The following SPHKAP variants were observed in gnomAD, a reference collection of about 807,000 sequenced individuals.
SPHKAP encodes the protein SPHK1 interactor, AKAP domain containing, also known as A-kinase anchor protein SPHKAP.
SPHKAP carries 67 observed loss-of-function variants against 137.5 expected under a neutral mutation model. The ratio of observed to expected loss-of-function variants is 0.49; its 90% CI spans 0.40 to 0.60. SPHKAP has a LOEUF of 0.60. Among genes scored for constraint, SPHKAP ranks in the 20% least tolerant of loss-of-function variants. The probability of loss-of-function intolerance (pLI) is 0.00; values close to 1 mark genes in which losing one functional copy is unlikely to be tolerated. For synonymous variants in SPHKAP, 813 were observed against 785.3 expected (o/e 1.04, Z -0.59); for missense variants, 2,097 against 2,069.3 (o/e 1.01, Z -0.26).
intron 3 of SPHKAP, among the ~76,000 whole-genome samples, chr2:228,034,367 C>T (rs1389509984): frequency 1.3e-5 from 2 of 152,288 alleles, no homozygotes; most frequent in East Asian, 3.9e-4. Context: ...ATAACAGGCT[C>T]TGAAATTGTG....
At chr2:228,009,922 T>G (rs1694302183) in intron 7 of SPHKAP, among the ~76,000 whole-genome samples, 1 of 152,186 alleles carries the variant, frequency 6.6e-6, no homozygotes, top group African/African-American at 2.4e-5. Flanking sequence ...ATTGTCCAGC[T>G]TACAATTCTC....
At chr2:228,132,254 T>C (rs1266829500) in intron 1 of SPHKAP, among the ~76,000 whole-genome samples, 169 bp from the exon 2 acceptor site, 1 of 152,230 alleles carries the variant, frequency 6.6e-6, no homozygotes, top group East Asian at 1.9e-4. Flanking sequence ...GCATACACTT[T>C]TGTAATTGGC....
intron 3 of SPHKAP, among the ~76,000 whole-genome samples, chr2:228,101,538 T>G (rs1698181862): frequency 6.6e-6 from 1 of 152,248 alleles, no homozygotes. Context: ...TTAAGTATAT[T>G]GAATACTTAT....
intron 1 of SPHKAP, among the ~76,000 whole-genome samples, chr2:228,172,185 T>C (rs1039155107): frequency 1.3e-5 from 2 of 152,184 alleles, no homozygotes; most frequent in African/African-American, 4.8e-5. Flanking sequence ...AATGATAATG[T>C]AGCACCGTAT....
intron 2 of SPHKAP, among the ~76,000 whole-genome samples, chr2:228,119,978 C>T (rs531324248): frequency 2.6e-5 from 4 of 152,196 alleles, no homozygotes; most frequent in African/African-American, 4.8e-5. Flanking sequence ...ATACCATTGA[C>T]ACCTAAGAAA....
Position 228,019,157 on chromosome 2 carries a change from C to T in SPHKAP, c.1697G>A (p.Ser566Asn). ...ACCCAGACCACAGACAGCCACGGCACTGGCCACCTGAGTCATGCCACACAA... is the reference window on the plus strand; with the variant it reads ...ACCCAGACCACAGACAGCCACGGCATTGGCCACCTGAGTCATGCCACACAA... ...SALCGMTQVA[S>N]AVAVCGLGER... Residue 566 changes from serine (S) to asparagine (N), a missense_variant, in exon 7 of 12, where the codon AGT (serine) becomes AAT (asparagine). Physicochemically the swap from Ser to Asn is conservative, Grantham distance 46. Transcript: ENST00000392056. The T allele has an allele frequency of 1.2e-6, 2 of 1,613,854 alleles. No homozygotes were observed. Among genetic ancestry groups the T allele is most frequent in the Non-Finnish European group, 1.7e-6 (2 of 1,180,040 alleles).
At chr2:228,048,847 GT>G (rs942702716) in intron 3 of SPHKAP, among the ~76,000 whole-genome samples, 27 of 152,254 alleles carry the variant, frequency 1.8e-4, no homozygotes, top group African/African-American at 6.5e-4. Flanking sequence ...TATTGGGGTT[GT>G]TTTTTCTTGT....
chr2:228,043,835 C>T (rs1037690593), intron 3 of SPHKAP, among the ~76,000 whole-genome samples: 2 of 152,002 alleles, frequency 1.3e-5, no homozygotes, highest in African/African-American at 2.4e-5. Flanking sequence ...ACTTTTTTCA[C>T]CTTTAAAGTA....
At chr2:227,994,469 T>G (rs1355738431) in intron 8 of SPHKAP, among the ~76,000 whole-genome samples, 1 of 152,200 alleles carries the variant, frequency 6.6e-6, no homozygotes, top group Non-Finnish European at 1.5e-5. Context: ...GATGTCTCTT[T>G]CAAGCAAGTC....
intron 11 of SPHKAP, among the ~76,000 whole-genome samples, chr2:227,984,613 G>A (rs931856931): frequency 8.5e-5 from 13 of 152,118 alleles, no homozygotes; most frequent in Admixed American, 1.3e-4. Context: ...ATGCGGCTTC[G>A]GAATAGCGGT....
chr2:228,031,575 C>A lies in SPHKAP; in HGVS notation c.247-4032G>T, dbSNP rs139120082. Reference sequence around the variant, plus strand: ...AGAATGGGCAGACTGCCTCCTTAAGCGGGTCCTTGACCCCCGAGCAGCCTA... The same window carrying A: ...AGAATGGGCAGACTGCCTCCTTAAGAGGGTCCTTGACCCCCGAGCAGCCTA... On this transcript the variant is annotated intron_variant, in intron 3 of 11. Transcript: ENST00000392056. Among the ~76,000 whole-genome samples the A allele has an allele frequency of 7.6e-3, 1,163 of 152,316 alleles. 9 individuals carry two copies. The highest frequency in any genetic ancestry group is 0.023 in the South Asian group (109 of 4,828).
chr2:228,132,490 G>A, intron 1 of SPHKAP: 1 of 756,204 alleles, frequency 1.3e-6, no homozygotes, highest in South Asian at 6.1e-5. Flanking sequence ...TAAAATGGAG[G>A]TAAAATATAA....
At chr2:228,097,958 CTTT>C (rs1698046884) in intron 3 of SPHKAP, among the ~76,000 whole-genome samples, 1 of 152,110 alleles carries the variant, frequency 6.6e-6, no homozygotes, top group African/African-American at 2.4e-5. Context: ...GTACATGTGT[CTTT>C]TTGATAGAAC....
intron 6 of SPHKAP, 73 bp from the exon 7 acceptor site, chr2:228,020,229 C>T: frequency 1.3e-6 from 2 of 1,507,102 alleles, no homozygotes; most frequent in Non-Finnish European, 1.8e-6. Context: ...GTAATAATTA[C>T]TTTCTAAAAA....
At chr2:228,027,970 A>AG (rs1002345002) in intron 3 of SPHKAP, 75 of 973,304 alleles carry the variant, frequency 7.7e-5, no homozygotes, top group African/African-American at 5.3e-5. Flanking sequence ...GAAAAAAAAA[A>AG]AAAAAAGAAA....
chr2:228,154,275 GA>G (rs1330427156), intron 1 of SPHKAP, among the ~76,000 whole-genome samples: 13 of 150,484 alleles, frequency 8.6e-5, no homozygotes, highest in South Asian at 4.2e-4. Flanking sequence ...TCCATTTCAT[GA>G]AAAAAAAGTA....
intron 1 of SPHKAP, among the ~76,000 whole-genome samples, chr2:228,180,479 A>C (rs1700873633): frequency 6.6e-6 from 1 of 152,064 alleles, no homozygotes; most frequent in Non-Finnish European, 1.5e-5. Flanking sequence ...GCTCTCCAAG[A>C]ATCCGAACTT....
At chr2:227,982,198 T>C (rs1693026467) in intron 11 of SPHKAP, 19 of 985,248 alleles carry the variant, frequency 1.9e-5, no homozygotes, top group South Asian at 4.7e-5. Flanking sequence ...TTAGACTTTC[T>C]GTAATAGGAT....
Position 228,144,879 on chromosome 2 carries a change from A to G in SPHKAP, c.33-12794T>C, listed in dbSNP as rs74549503. 3.2e-3 allele frequency among the ~76,000 whole-genome samples: 488 copies of G among 152,336 alleles called. 3 individuals are homozygous for G. Among genetic ancestry groups the G allele is most frequent in the Non-Finnish European group, 4.9e-3 (330 of 68,026 alleles). ...GGGACTGATGTGATTGGAAAAAGTG[A>G]CAAAACCAATAAAGCCAGCAAATAC... is the stretch of plus-strand genomic sequence containing the variant. On this transcript the variant is annotated intron_variant, in intron 1 of 11. Transcript: ENST00000392056.
Sources: gnomAD v4.1 joint callset for allele counts (sites outside exome capture counted in the v4.1 genomes callset) on GRCh38, gnomAD v4.1.1 for gene constraint, MANE v1.5 for transcripts, NCBI Gene and HGNC (gene_info 2026-07-23, HGNC 2026-07-21) for gene names.